Variants in RAB32 observed in about 807,000 individuals in gnomAD.
RAB32 encodes the protein ras-related protein Rab-32.
RAB32 carries 17 observed loss-of-function variants against 17.5 expected under a neutral mutation model. That is an observed-to-expected ratio of 0.97 (90% CI 0.67 to 1.46). The LOEUF (loss-of-function observed/expected upper bound fraction) is 1.46. Ranked by LOEUF, RAB32 falls within the 40% of genes most tolerant of loss-of-function variation. The probability of loss-of-function intolerance (pLI) is 0.00; values close to 1 mark genes in which losing one functional copy is unlikely to be tolerated. For missense variants in RAB32, 288 were observed against 284.3 expected, an observed-to-expected ratio of 1.01 and a Z score of -0.09; for synonymous variants, 115 against 111.1, an observed-to-expected ratio of 1.04 and a Z score of -0.22.
rs767294194 is a variant in RAB32, at chr6:146,543,848, G to T, written c.-24G>T. On this transcript the variant is annotated 5_prime_UTR_variant, in exon 1 of 3. Transcript: ENST00000367495. ...GCAGGGGGCCAGACTCGGAGTCGAG[G>T]CGCGCCCGACAGCCGCAGCGCTCAT... is the stretch of plus-strand genomic sequence containing the variant. 7 of 1,354,858 alleles carry T rather than the reference G, an allele frequency of 5.2e-6. No homozygotes were observed. Among genetic ancestry groups the T allele is most frequent in the Non-Finnish European group, 6.7e-6 (7 of 1,052,314 alleles). 83.9% of individuals were successfully genotyped at this position (1,354,858 alleles called of 1,614,324 possible).
Position 146,549,689 on chromosome 6 carries a change from AC to A in RAB32, c.478del (p.Gln160AsnfsTer20), listed in dbSNP as rs1221014626. 1 of 1,614,234 alleles carries A rather than the reference AC, an allele frequency of 6.2e-7. No homozygotes were observed. Among genetic ancestry groups the A allele is most frequent in the East Asian group, 2.2e-5 (1 of 44,880 alleles). Reference sequence around the variant, plus strand: ...AGTAGCCAGAGTCCTTCCCAGGTGGACCAATTCTGCAAAGAACATGGCTTTG... The same window carrying A: ...AGTAGCCAGAGTCCTTCCCAGGTGGACAATTCTGCAAAGAACATGGCTTTG... ...KDSSQSPSQV[D>X]QFCKEHGFAG... is the part of the protein sequence containing the mutation. On this transcript the variant is annotated frameshift_variant, in exon 2 of 3. Coordinates refer to ENST00000367495, the MANE Select transcript of RAB32 (RefSeq NM_006834.5). LOFTEE classifies it high-confidence loss of function.
chr6:146,550,061 C>T (rs1006219604), intron 2 of RAB32, among the ~76,000 whole-genome samples: 3 of 152,066 alleles, frequency 2.0e-5, no homozygotes, highest in Admixed American at 6.5e-5. Context: ...TTGTCAAGCA[C>T]GAGAATTTTT....
At position 146,549,500 on chromosome 6, in the gene RAB32, A is replaced by G. The variant is rs139327388; in HGVS notation, c.287A>G (p.Tyr96Cys). 167 of 1,614,036 alleles carry G rather than the reference A, an allele frequency of 1.0e-4. No individual in the cohort carries two copies. Among genetic ancestry groups the G allele is most frequent in the Middle Eastern group, 1.6e-4 (1 of 6,078 alleles). ...TTTGGCAACATGACCCGAGTATACT[A>G]CAAGGAAGCTGTTGGTGCTTTTGTA... ...ERFGNMTRVYYKEAVGAFVVF... is the reference protein window; with the variant it reads ...ERFGNMTRVYCKEAVGAFVVF... Residue 96 changes from tyrosine to cysteine, a missense_variant, in exon 2 of 3, where the codon TAC (tyrosine) becomes TGC (cysteine). Coordinates refer to ENST00000367495, the MANE Select transcript of RAB32 (RefSeq NM_006834.5).
At chr6:146,548,778 T>C (rs963230813) in intron 1 of RAB32, among the ~76,000 whole-genome samples, 2 of 152,340 alleles carry the variant, frequency 1.3e-5, no homozygotes, top group South Asian at 2.1e-4. Flanking sequence ...TCCTATATAA[T>C]GTACAAAGCA....
intron 2 of RAB32, among the ~76,000 whole-genome samples, chr6:146,550,239 T>C (rs1250922771): frequency 6.6e-6 from 1 of 152,214 alleles, no homozygotes; most frequent in African/African-American, 2.4e-5. Flanking sequence ...TATCAACATT[T>C]GTGGTATGCT....
chr6:146,546,685 A>G, intron 1 of RAB32, among the ~76,000 whole-genome samples: 1 of 152,040 alleles, frequency 6.6e-6, no homozygotes, highest in East Asian at 1.9e-4. Context: ...ATCATATTTA[A>G]TTCTCAAATA....
chr6:146,551,113 C>A (rs753494561), intron 2 of RAB32, among the ~76,000 whole-genome samples: 8 of 152,158 alleles, frequency 5.3e-5, no homozygotes, highest in African/African-American at 1.9e-4. Context: ...AAAAATATTG[C>A]GCAATGATGG....
At chr6:146,550,170 G>A (rs1437571460) in intron 2 of RAB32, among the ~76,000 whole-genome samples, 1 of 152,190 alleles carries the variant, frequency 6.6e-6, no homozygotes, top group Non-Finnish European at 1.5e-5. Flanking sequence ...GATTTATTCA[G>A]ATGATGTTTG....
chr6:146,553,925 T>A (rs776216701), intron 2 of RAB32, among the ~76,000 whole-genome samples: 72 of 152,346 alleles, frequency 4.7e-4, no homozygotes, highest in Non-Finnish European at 6.0e-4. Context: ...TAATAATTCC[T>A]TAGGGTGTCC....
At chr6:146,548,868 T>A (rs1779858648) in intron 1 of RAB32, among the ~76,000 whole-genome samples, 1 of 152,242 alleles carries the variant, frequency 6.6e-6, no homozygotes, top group South Asian at 2.1e-4. Context: ...ATTCTTCTTG[T>A]AACAACACAA....
intron 2 of RAB32, among the ~76,000 whole-genome samples, chr6:146,553,045 G>A (rs1003274054): frequency 6.6e-6 from 1 of 152,080 alleles, no homozygotes; most frequent in Non-Finnish European, 1.5e-5. Flanking sequence ...TGGGGGAGAA[G>A]GGAACCTCTT....
intron 2 of RAB32, among the ~76,000 whole-genome samples, chr6:146,550,068 T>C (rs991514848): frequency 6.6e-6 from 1 of 152,128 alleles, no homozygotes; most frequent in African/African-American, 2.4e-5. Context: ...GCACGAGAAT[T>C]TTTGGTTTTT....
chr6:146,554,231 A>G (rs548659001), intron 2 of RAB32, among the ~76,000 whole-genome samples: 1 of 152,178 alleles, frequency 6.6e-6, no homozygotes, highest in Non-Finnish European at 1.5e-5. Context: ...TTAAGATAGG[A>G]ACATCAGAAA....
rs905102931 is a variant in RAB32 at position 146,549,871 on chromosome 6, G to A, written c.528+130G>A. ...GGAAAATGAGAAGTGTAGCATGGAT[G>A]TGTTATAGCTTCTTTCAGTCCACAA... On this transcript the variant is annotated intron_variant, in intron 2 of 2. Coordinates refer to ENST00000367495, the MANE Select transcript of RAB32 (RefSeq NM_006834.5). The A allele has an allele frequency of 1.3e-5, 14 of 1,071,866 alleles. 1 individual carries two copies. In the African/African-American group the frequency reaches 1.6e-4, roughly 12 times the overall value. The allele number at this position is 1,071,866 out of a possible 1,614,324, so 66.4% of individuals were successfully genotyped here.
intron 2 of RAB32, among the ~76,000 whole-genome samples, chr6:146,551,502 G>T (rs1262562181): frequency 6.6e-6 from 1 of 152,004 alleles, no homozygotes; most frequent in South Asian, 2.1e-4. Flanking sequence ...TAGGATTACA[G>T]GCGTGTTCTT....
intron 1 of RAB32, 33 bp downstream of exon 1, chr6:146,544,154 C>T (rs1013247160): frequency 2.0e-5 from 31 of 1,575,256 alleles, no homozygotes; most frequent in Non-Finnish European, 2.7e-5. Flanking sequence ...CACTCCAGAG[C>T]CCCGCCGGGC....
intron 2 of RAB32, among the ~76,000 whole-genome samples, chr6:146,551,220 C>T (rs141416344): frequency 6.6e-6 from 1 of 152,266 alleles, no homozygotes; most frequent in East Asian, 1.9e-4. Context: ...CTTAAAATTT[C>T]CTTTCATAAA....
intron 2 of RAB32, among the ~76,000 whole-genome samples, chr6:146,553,638 G>C (rs547037813): frequency 1.3e-5 from 2 of 152,202 alleles, no homozygotes; most frequent in South Asian, 2.1e-4. Context: ...GATAATTGAT[G>C]CAATTTGAGT....
intron 2 of RAB32, 60 bp downstream of exon 2, chr6:146,549,801 T>A: frequency 6.6e-7 from 1 of 1,526,394 alleles, no homozygotes; most frequent in Non-Finnish European, 8.9e-7. Flanking sequence ...GAGCTGTAAA[T>A]GTAAAGTATT....
Sources: allele counts gnomAD v4.1 joint callset (sites outside exome capture counted in the v4.1 genomes callset), GRCh38; gene constraint gnomAD v4.1.1; transcripts MANE v1.5; gene names NCBI Gene and HGNC (gene_info 2026-07-23, HGNC 2026-07-21).